SPG11: variants seen among roughly 807,000 people sequenced by gnomAD.
SPG11 encodes the protein spatacsin.
In SPG11, 222 loss-of-function variants were observed where a neutral mutation model predicts 274.0. The observed-to-expected ratio is 0.81, with a 90% CI of 0.73 to 0.91. The LOEUF (loss-of-function observed/expected upper bound fraction) is 0.91. SPG11 is among the 40% of genes least tolerant of loss of function. The pLI is 0.00. For synonymous variants in SPG11, 1,144 were observed against 1,039.7 expected, an observed-to-expected ratio of 1.10 and a Z score of -1.93; for missense variants, 3,114 against 2,872.7, an observed-to-expected ratio of 1.08 and a Z score of -1.92.
chr15:44,622,625 T>G, intron 12 of SPG11, 103 bp downstream of exon 12: 1 of 996,014 alleles, frequency 1.0e-6, no homozygotes, highest in Non-Finnish European at 1.6e-6. Context: ...AGATATTAGT[T>G]GAACATTAAA....
At chr15:44,646,460 A>T (rs962049553) in intron 7 of SPG11, among the ~76,000 whole-genome samples, 1 of 152,106 alleles carries the variant, frequency 6.6e-6, no homozygotes, top group Non-Finnish European at 1.5e-5. Context: ...AAACCATCAG[A>T]TCTCTTGAGA....
At chr15:44,645,083 T>C (rs1449143967) in intron 7 of SPG11, among the ~76,000 whole-genome samples, 1 of 152,232 alleles carries the variant, frequency 6.6e-6, no homozygotes, top group Non-Finnish European at 1.5e-5. Context: ...TTAAAATTCA[T>C]ATGGATCCAA....
intron 4 of SPG11, among the ~76,000 whole-genome samples, chr15:44,655,499 A>G (rs2084914185): frequency 1.3e-5 from 2 of 152,106 alleles, no homozygotes; most frequent in Admixed American, 1.3e-4. Flanking sequence ...CAGACAGACT[A>G]CTCATCTTGT....
At position 44,572,742 on chromosome 15, in the gene SPG11, A is replaced by G. The variant is rs185665930; in HGVS notation, c.6284T>C (p.Leu2095Ser). ...CTTATCCAACAACTTCATGCCTACCAATGTGCGGTCTTGACACAGAGTGGT... is the reference window on the plus strand; with the variant it reads ...CTTATCCAACAACTTCATGCCTACCGATGTGCGGTCTTGACACAGAGTGGT... Reference protein sequence around the residue: ...QLTTLCQDRTLVGMKLLDKIS... With the variant: ...QLTTLCQDRTSVGMKLLDKIS... The change falls in exon 33 of 40, where the codon TTG becomes TCG. Residue 2095 changes from leucine to serine, a missense_variant. Coordinates refer to ENST00000261866, the MANE Select transcript of SPG11 (RefSeq NM_025137.4). 2.0e-4 allele frequency: 324 copies of G among 1,614,070 alleles called. 2 individuals are homozygous for G. In the East Asian group the frequency reaches 6.2e-3, roughly 31 times the overall value.
intron 7 of SPG11, among the ~76,000 whole-genome samples, chr15:44,647,375 C>A (rs1296446194): frequency 2.2e-4 from 34 of 152,018 alleles, no homozygotes; most frequent in Non-Finnish European, 8.8e-5. Context: ...TTGGGGATTC[C>A]TCAAAAATAA....
intron 4 of SPG11, among the ~76,000 whole-genome samples, chr15:44,655,739 G>A (rs1233670850): frequency 6.6e-6 from 1 of 152,126 alleles, no homozygotes; most frequent in African/African-American, 2.4e-5. Flanking sequence ...AGTTACATGT[G>A]GCATTTTGAT....
chr15:44,608,475 G>A lies in SPG11; in HGVS notation c.3422C>T (p.Pro1141Leu). 1 of 1,614,072 alleles carries A rather than the reference G, an allele frequency of 6.2e-7. No individual in the cohort carries two copies. Among genetic ancestry groups the A allele is most frequent in the South Asian group, 1.1e-5 (1 of 91,084 alleles). ...FPQCTPPSVL[P>L]SDITIYHLIQ... ...AAGGTGGTAGATTGTAATATCAGAT[G>A]GCAGGACACTAGGAGGAGTGCACTG... Residue 1141 changes from proline to leucine, a missense_variant, in exon 19 of 40, where the codon CCA becomes CTA. By Grantham distance (98) the Pro-to-Leu change is moderately conservative. Transcript: ENST00000261866.
At chr15:44,600,370 G>T in intron 21 of SPG11, 97 bp downstream of exon 21, 1 of 1,373,454 alleles carries the variant, frequency 7.3e-7, no homozygotes, top group Non-Finnish European at 1.0e-6. Context: ...CTGCTTCCTT[G>T]AACTCCTGGG....
Position 44,626,323 on chromosome 15 carries a change from C to T in SPG11, c.2244+8G>A, listed in dbSNP as rs1449062172. On this transcript the variant is annotated splice_region_variant and intron_variant, in intron 11 of 39. Transcript: ENST00000261866. ...ACATTTTAAGACTTTATGGATTACA[C>T]CACTCACCATATTCTTCAAAAGTTC... 4 of 1,606,598 alleles carry T rather than the reference C, an allele frequency of 2.5e-6. No individual in the cohort carries two copies. The highest frequency in any genetic ancestry group is 1.3e-5 in the African/African-American group (1 of 74,646).
In SPG11 at chr15:44,565,900, C is replaced by A; in HGVS notation, c.6953G>T (p.Arg2318Leu). ...GQNTMLINLG[R>L]HKLMDCILAL... ...CAGAATACAGTCCATCAGCTTGTGG[C>A]GGCCCAAGTTGATGAGCATTGTGTT... Residue 2318 changes from arginine to leucine, a missense_variant, in exon 38 of 40, where the codon CGC (arginine) becomes CTC (leucine). By Grantham distance (102) the Arg-to-Leu change is moderately radical. Transcript: ENST00000261866. 3.1e-6 allele frequency: 5 copies of A among 1,613,698 alleles called. No homozygotes were observed. Among genetic ancestry groups the A allele is most frequent in the South Asian group, 1.1e-5 (1 of 90,982 alleles).
intron 30 of SPG11, among the ~76,000 whole-genome samples, chr15:44,575,828 T>C (rs987209040): frequency 2.0e-5 from 3 of 152,176 alleles, no homozygotes; most frequent in Admixed American, 2.0e-4. Flanking sequence ...AAAATTAAAA[T>C]CTATTCCTGA....
intron 33 of SPG11, 128 bp from the exon 34 acceptor site, chr15:44,570,786 C>A: frequency 2.5e-6 from 3 of 1,195,042 alleles, no homozygotes; most frequent in East Asian, 2.6e-5. Context: ...TCCCATCAGC[C>A]CTCCGAAGTC....
At chr15:44,635,541 G>A (rs2084215998) in intron 7 of SPG11, among the ~76,000 whole-genome samples, 1 of 139,672 alleles carries the variant, frequency 7.2e-6, no homozygotes, top group African/African-American at 2.7e-5. Context: ...AAGAAGTTGA[G>A]GCTGCAGTGA....
At chr15:44,660,387 T>C (rs772524978) in intron 2 of SPG11, 45 bp downstream of exon 2, 2 of 1,550,290 alleles carry the variant, frequency 1.3e-6, no homozygotes, top group East Asian at 2.2e-5. Context: ...TACATGGTAA[T>C]GTCACAAATT....
rs2083159501 is a variant in SPG11, at chr15:44,600,571, C to G, written c.3582G>C (p.Val1194=). Residue 1194 remains valine (V), a synonymous_variant, in exon 21 of 40, where the codon GTG becomes GTC. Transcript: ENST00000261866. The stretch of plus-strand genomic sequence containing the variant: ...AATAATAAGCAAAATTCAGACGTTC[C>G]ACTATAGCATATTTATTAACCAGGT... ...SPDLVNKYAI[V]ERLNFAYYLH... The G allele has an allele frequency of 6.2e-7, 1 of 1,613,976 alleles. No individual in the cohort carries two copies. Among genetic ancestry groups the G allele is most frequent in the South Asian group, 1.1e-5 (1 of 91,084 alleles).
rs1376348466 is a variant in SPG11, at chr15:44,601,577, A to T, written c.3521-945T>A. Among the ~76,000 whole-genome samples the T allele has an allele frequency of 3.8e-3, 514 of 134,188 alleles. 4 individuals are homozygous for T. The highest frequency in any genetic ancestry group is 0.014 in the African/African-American group (484 of 34,464). 88.0% of individuals were successfully genotyped at this position (134,188 alleles called of 152,430 possible). On this transcript the variant is annotated intron_variant, in intron 20 of 39. Coordinates refer to ENST00000261866, the MANE Select transcript of SPG11 (RefSeq NM_025137.4). ...CTCTTCTTTTTTTTTTTTTTTTTTT[A>T]AATAGAATCTTGCTCGGCTGTCTAG...
In SPG11 at chr15:44,567,511, G is replaced by A; in HGVS notation, c.6667C>T (p.Leu2223=). The change falls in exon 36 of 40, where the codon CTG becomes TTG. Residue 2223 remains leucine (L), a synonymous_variant. Transcript: ENST00000261866. The part of the protein sequence containing the change: ...GDSEKHNMIA[L]CFSMCREIGE... Reference sequence around the variant, plus strand: ...ATCTCCCGGCACATGCTGAAGCACAGGGCAATCATATTGTGCTTTTCACTG... The same window carrying A: ...ATCTCCCGGCACATGCTGAAGCACAAGGCAATCATATTGTGCTTTTCACTG... 1.2e-6 allele frequency: 2 copies of A among 1,614,060 alleles called. No individual in the cohort carries two copies. Among genetic ancestry groups the A allele is most frequent in the Non-Finnish European group, 1.7e-6 (2 of 1,179,984 alleles).
At position 44,591,348 on chromosome 15, in the gene SPG11, T is replaced by A. The variant is rs190181395; in HGVS notation, c.4743+983A>T. 4.8e-3 allele frequency among the ~76,000 whole-genome samples: 724 copies of A among 152,342 alleles called. 9 individuals carry two copies. Among genetic ancestry groups the A allele is most frequent in the African/African-American group, 0.017 (704 of 41,590 alleles). On this transcript the variant is annotated intron_variant, in intron 27 of 39. Coordinates refer to ENST00000261866, the MANE Select transcript of SPG11 (RefSeq NM_025137.4). ...GTTATATAATACTTCTATTCTTTTTTAAAAAATATTTCTCTTCTTGATTCT... is the reference window on the plus strand; with the variant it reads ...GTTATATAATACTTCTATTCTTTTTAAAAAAATATTTCTCTTCTTGATTCT...
Position 44,649,015 on chromosome 15 carries a change from T to A in SPG11, c.1457-4A>T. On this transcript the variant is annotated splice_region_variant and splice_polypyrimidine_tract_variant and intron_variant, in intron 6 of 39. Transcript: ENST00000261866. ...AAAATCAGAGAGAGTCCATTCTCTA[T>A]AGGAAAAATAAAAGTTAGCTTTAAC... is the stretch of plus-strand genomic sequence containing the variant. 1.2e-6 allele frequency: 2 copies of A among 1,611,058 alleles called. No homozygotes were observed. The highest frequency in any genetic ancestry group is 1.7e-5 in the Admixed American group (1 of 59,986).
Sources: gnomAD v4.1 joint callset for allele counts (sites outside exome capture counted in the v4.1 genomes callset) on GRCh38, gnomAD v4.1.1 for gene constraint, MANE v1.5 for transcripts, NCBI Gene and HGNC (gene_info 2026-07-23, HGNC 2026-07-21) for gene names.